PFKFB3: variants seen among roughly 807,000 people sequenced by gnomAD.
PFKFB3 encodes the protein 6-phosphofructo-2-kinase/fructose-2,6-biphosphatase 3.
PFKFB3 carries 33 observed loss-of-function variants against 68.0 expected under a neutral mutation model. The observed-to-expected ratio is 0.49, with a 90% CI of 0.37 to 0.65. The LOEUF (loss-of-function observed/expected upper bound fraction) is 0.65. PFKFB3 is among the 30% of genes least tolerant of loss of function. The pLI is 0.00. For missense variants in PFKFB3, 586 were observed against 712.2 expected, an observed-to-expected ratio of 0.82 and a Z score of 2.02; for synonymous variants, 315 against 288.2, an observed-to-expected ratio of 1.09 and a Z score of -0.94.
chr10:6,290,535 A>G, the PFKFB3 span, among the ~76,000 whole-genome samples: 5 of 129,758 alleles, frequency 3.9e-5, no homozygotes, highest in East Asian at 2.2e-4. Context: ...GTCTTGCTCT[A>G]TTGCCCAGGC....
intron 1 of PFKFB3, among the ~76,000 whole-genome samples, chr10:6,184,209 C>T (rs586690): frequency 2.0e-5 from 3 of 151,574 alleles, no homozygotes; most frequent in African/African-American, 4.9e-5. Context: ...CCCACCACCA[C>T]GCCCGGTTAA....
intron 1 of PFKFB3, among the ~76,000 whole-genome samples, chr10:6,178,484 G>A (rs931933779): frequency 6.6e-6 from 1 of 152,202 alleles, no homozygotes; most frequent in Non-Finnish European, 1.5e-5. Flanking sequence ...GAGCTTTGGG[G>A]CCAGGAAGGC....
chr10:6,322,200 G>T, the PFKFB3 span, among the ~76,000 whole-genome samples: 1 of 152,030 alleles, frequency 6.6e-6, no homozygotes, highest in Non-Finnish European at 1.5e-5. Flanking sequence ...TCTGTAGCTC[G>T]ACCTTGTCAC....
chr10:6,232,607 C>T (rs1425544053), intron 14 of PFKFB3, among the ~76,000 whole-genome samples: 5 of 152,124 alleles, frequency 3.3e-5, no homozygotes, highest in Non-Finnish European at 7.4e-5. Flanking sequence ...TGCCCAGCGC[C>T]GCGCAGCTCA....
chr10:6,186,549 A>C (rs1842873193), intron 1 of PFKFB3, among the ~76,000 whole-genome samples: 1 of 152,228 alleles, frequency 6.6e-6, no homozygotes, highest in African/African-American at 2.4e-5. Flanking sequence ...GGGGAAACTG[A>C]ATTTGTCACA....
At chr10:6,230,092 C>G (rs1845643784) in intron 14 of PFKFB3, among the ~76,000 whole-genome samples, 1 of 152,090 alleles carries the variant, frequency 6.6e-6, no homozygotes, top group Admixed American at 6.5e-5. Flanking sequence ...CGGGGATAGT[C>G]CCCCACCCGC....
chr10:6,206,575 C>T lies in PFKFB3; in HGVS notation c.76+3239C>T, dbSNP rs1268472700. 1.7e-3 allele frequency among the ~76,000 whole-genome samples: 89 copies of T among 50,966 alleles called. 1 individual carries two copies. Among genetic ancestry groups the T allele is most frequent in the East Asian group, 0.024 (2 of 84 alleles). The allele number at this position is 50,966 out of a possible 152,430, so 33.4% of individuals were successfully genotyped here. A position where few individuals can be genotyped will look rare whatever the true frequency, so the allele number is the denominator to read the frequency against. The stretch of plus-strand genomic sequence containing the variant: ...CTCCCGGACGGGGCGGCTGGCCGGG[C>T]AGGGGCTGACCCCCCCACCTCCCTC... On this transcript the variant is annotated intron_variant, in intron 1 of 14. Coordinates refer to ENST00000379775, the MANE Select transcript of PFKFB3 (RefSeq NM_004566.4).
rs146418114 is a variant in PFKFB3 at position 6,156,239 on chromosome 10, C to G, written c.16+11226C>G. Among the ~76,000 whole-genome samples the G allele has an allele frequency of 1.7e-3, 261 of 150,092 alleles. 2 individuals carry two copies. The highest frequency in any genetic ancestry group is 6.1e-3 in the African/African-American group (250 of 40,770). On this transcript the variant is annotated intron_variant, in intron 1 of 14. Coordinates refer to the PFKFB3 transcript ENST00000379789. The stretch of plus-strand genomic sequence containing the variant: ...CACGATCATGGCTCACTGCAACCTC[C>G]ACCTCCCAGGCTCAAGCAATCCTCT...
the PFKFB3 span, among the ~76,000 whole-genome samples, chr10:6,321,026 C>T: frequency 5.3e-5 from 8 of 152,150 alleles, 1 homozygote. Context: ...CTGCAGTGGA[C>T]ATCAGTTCTC....
chr10:6,156,113 A>T (rs1198431333), intron 1 of PFKFB3, among the ~76,000 whole-genome samples: 1 of 134,848 alleles, frequency 7.4e-6, no homozygotes, highest in African/African-American at 2.8e-5. Flanking sequence ...GAGATATTAT[A>T]TATATGTACA....
chr10:6,281,942 G>C, the PFKFB3 span, among the ~76,000 whole-genome samples: 34 of 149,912 alleles, frequency 2.3e-4, 1 homozygote, highest in Admixed American at 4.1e-4. Context: ...AATCCTGAAG[G>C]ACTCAGAGCA....
chr10:6,250,578 A>G (rs1217877444), intron 14 of PFKFB3, among the ~76,000 whole-genome samples: 2 of 151,896 alleles, frequency 1.3e-5, no homozygotes, highest in South Asian at 2.1e-4. Flanking sequence ...CTCAAAAAAA[A>G]AAAAAAAAGA....
At chr10:6,317,848 G>A in the PFKFB3 span, among the ~76,000 whole-genome samples, 1 of 152,218 alleles carries the variant, frequency 6.6e-6, no homozygotes, top group Non-Finnish European at 1.5e-5. Context: ...GGGAGGGGCA[G>A]ACAGAAGACG....
At chr10:6,296,289 A>C in the PFKFB3 span, among the ~76,000 whole-genome samples, 1 of 151,926 alleles carries the variant, frequency 6.6e-6, no homozygotes, top group Non-Finnish European at 1.5e-5. Flanking sequence ...TGATCTCTAC[A>C]AATATTGTTG....
At chr10:6,274,647 GA>G in the PFKFB3 span, among the ~76,000 whole-genome samples, 2 of 152,096 alleles carry the variant, frequency 1.3e-5, no homozygotes, top group Non-Finnish European at 2.9e-5. Flanking sequence ...GGAAGTTTGA[GA>G]CTAGCCAGGG....
At chr10:6,166,783 G>A (rs372465844) in intron 1 of PFKFB3, among the ~76,000 whole-genome samples, 114 of 150,556 alleles carry the variant, frequency 7.6e-4, no homozygotes, top group African/African-American at 2.8e-3. Flanking sequence ...GTATTCCACT[G>A]CAGTCCACCT....
intron 1 of PFKFB3, among the ~76,000 whole-genome samples, chr10:6,212,117 T>C (rs778988771): frequency 3.3e-5 from 5 of 152,210 alleles, no homozygotes; most frequent in Non-Finnish European, 7.3e-5. Context: ...CTGCAGGCCA[T>C]GTGGGCTGTG....
chr10:6,255,217 C>T (rs577516498), downstream of PFKFB3, among the ~76,000 whole-genome samples: 189 of 151,096 alleles, frequency 1.3e-3, 1 homozygote, highest in African/African-American at 4.1e-3. Flanking sequence ...CTCTGCCTCC[C>T]GGTTTCAAGT....
rs1303149103 is a variant in PFKFB3, at chr10:6,222,896, G to A, written c.1125G>A (p.Met375Ile). 1 of 1,613,994 alleles carries A rather than the reference G, an allele frequency of 6.2e-7. No individual in the cohort carries two copies. The highest frequency in any genetic ancestry group is 2.2e-5 in the East Asian group (1 of 44,868). ...TCCAGCGCTTGGAGCCAGTGATCAT[G>A]GAGCTGGAGCGGCAGGAGAATGTGC... ...DLVQRLEPVI[M>I]ELERQENVLV... Residue 375 changes from methionine (M) to isoleucine (I), a missense_variant, in exon 11 of 15, where the codon ATG (methionine) becomes ATA (isoleucine). Met to Ile is a conservative substitution (Grantham distance 10). Transcript: ENST00000379775.
Sources: allele counts gnomAD v4.1 joint callset (sites outside exome capture counted in the v4.1 genomes callset), GRCh38; gene constraint gnomAD v4.1.1; transcripts MANE v1.5; gene names NCBI Gene and HGNC (gene_info 2026-07-23, HGNC 2026-07-21).